The following MED24 variants were observed in gnomAD, a reference collection of about 807,000 sequenced individuals.
MED24 encodes mediator complex subunit 24, also known as mediator of RNA polymerase II transcription subunit 24.
In MED24, 74 loss-of-function variants were observed where a neutral mutation model predicts 118.8. The ratio of observed to expected loss-of-function variants is 0.62; its 90% CI spans 0.52 to 0.76. The LOEUF (loss-of-function observed/expected upper bound fraction) is 0.76, where lower values mean the gene tolerates loss of function less well. Ranked by LOEUF, MED24 falls within the 30% of genes least tolerant of loss-of-function variation. The pLI, the probability that MED24 is intolerant of heterozygous loss-of-function variation, is 0.00. For missense variants in MED24, 1,041 were observed against 1,278.9 expected, an observed-to-expected ratio of 0.81 and a Z score of 2.84; for synonymous variants, 521 against 523.9, an observed-to-expected ratio of 0.99 and a Z score of 0.08.
rs1365881410 is a variant in MED24, at chr17:40,026,185, A to G, written c.1956T>C (p.Ser652=). Residue 652 remains serine (S), a synonymous_variant, in exon 19 of 26, where the codon AGT becomes AGC. Transcript: ENST00000394128. The part of the protein sequence containing the change: ...MIRQLAGPLF[S]ENTLQFYNER... Reference sequence around the variant, plus strand: ...CATTGTAGAACTGCAGGGTGTTCTCACTAAACAGTGGCCCTGCCAGCTGGC... The same window carrying G: ...CATTGTAGAACTGCAGGGTGTTCTCGCTAAACAGTGGCCCTGCCAGCTGGC... The G allele has an allele frequency of 1.9e-6, 3 of 1,614,222 alleles. No homozygotes were observed. Among genetic ancestry groups the G allele is most frequent in the Middle Eastern group, 1.6e-4 (1 of 6,062 alleles).
In MED24 at chr17:40,027,609, G is replaced by A. The variant is rs987342614; in HGVS notation, c.1448-144C>T. The A allele has an allele frequency of 5.1e-6, 4 of 777,816 alleles. No individual in the cohort carries two copies. In the Admixed American group the frequency reaches 8.2e-5, roughly 16 times the overall value. 48.2% of individuals were successfully genotyped at this position (777,816 alleles called of 1,614,324 possible). On this transcript the variant is annotated intron_variant, in intron 15 of 25. Coordinates refer to ENST00000394128, the MANE Select transcript of MED24 (RefSeq NM_014815.4). ...CTCTGAGGCTCAGAATCCTTTTCTT[G>A]AGTCTCAACTGGAACATCATCCCTT...
At chr17:40,024,521 G>A (rs1272422015) in intron 19 of MED24, among the ~76,000 whole-genome samples, 4 of 152,110 alleles carry the variant, frequency 2.6e-5, no homozygotes, top group South Asian at 2.1e-4. Context: ...GTGACAGAGC[G>A]AAACGCCGTC....
rs1226437930 is a variant in MED24 at position 40,026,999 on chromosome 17, C to G, written c.1566G>C (p.Val522=). ...TCTGCATCCAGGTCTCGAAGAAGGG[C>G]ACCTCAGCTCCTGTGCGCGACTCGG... ...ILSESRTGAE[V]PFFETWMQTC... Residue 522 remains valine, a synonymous_variant, in exon 17 of 26, where the codon GTG becomes GTC. Coordinates refer to ENST00000394128, the MANE Select transcript of MED24 (RefSeq NM_014815.4). 1 of 1,614,148 alleles carries G rather than the reference C, an allele frequency of 6.2e-7. No homozygotes were observed. The highest frequency in any genetic ancestry group is 1.1e-5 in the South Asian group (1 of 91,078).
intron 3 of MED24, among the ~76,000 whole-genome samples, chr17:40,044,069 A>C (rs1329056420): frequency 6.8e-6 from 1 of 147,416 alleles, no homozygotes; most frequent in Non-Finnish European, 1.5e-5. Flanking sequence ...CTAAGGTTGC[A>C]ATAAGCCGAG....
In MED24 at chr17:40,029,736, G is replaced by A. The variant is rs372546186; in HGVS notation, c.1266+12C>T. 34 of 1,609,724 alleles carry A rather than the reference G, an allele frequency of 2.1e-5. 1 individual carries two copies. The African/African-American group carries it at 2.9e-4, about 14-fold the overall frequency. On this transcript the variant is annotated intron_variant, in intron 13 of 25. Coordinates refer to ENST00000394128, the MANE Select transcript of MED24 (RefSeq NM_014815.4). ...AGAGAAGACTGTGGTGGCCAGGGAAGGGCACACTCACCTTGAGGATGTTTG... is the reference window on the plus strand; with the variant it reads ...AGAGAAGACTGTGGTGGCCAGGGAAAGGCACACTCACCTTGAGGATGTTTG...
chr17:40,027,705 A>T, intron 15 of MED24: 1 of 676,236 alleles, frequency 1.5e-6, no homozygotes, highest in Non-Finnish European at 2.5e-6. Flanking sequence ...TGAGGGGGGG[A>T]AGGAGACACA....
intron 3 of MED24, among the ~76,000 whole-genome samples, chr17:40,039,727 T>G (rs918918242): frequency 2.0e-5 from 3 of 150,744 alleles, no homozygotes. Flanking sequence ...CAAGCAATCC[T>G]CCCACCTCAG....
At chr17:40,022,937 G>A in intron 20 of MED24, 111 bp from the exon 21 acceptor site, 1 of 1,388,772 alleles carries the variant, frequency 7.2e-7, no homozygotes, top group African/African-American at 1.4e-5. Flanking sequence ...GGGGGCCCCA[G>A]ATGTTGCTCC....
chr17:40,030,301 C>CT (rs35210145), intron 12 of MED24, among the ~76,000 whole-genome samples: 77 of 145,958 alleles, frequency 5.3e-4, no homozygotes, highest in African/African-American at 7.3e-4. Flanking sequence ...TATCATTAGT[C>CT]TTTTTTTTTT....
intron 24 of MED24, 125 bp downstream of exon 24, chr17:40,020,148 G>A (rs1598327491): frequency 9.3e-7 from 1 of 1,080,810 alleles, no homozygotes; most frequent in East Asian, 2.6e-5. Flanking sequence ...AACAATGAGG[G>A]GCATGGAGAG....
intron 3 of MED24, among the ~76,000 whole-genome samples, chr17:40,051,487 G>A (rs1220341694): frequency 2.6e-5 from 4 of 151,840 alleles, no homozygotes; most frequent in African/African-American, 7.3e-5. Context: ...AGTGGCACAC[G>A]CCTGTAGTCC....
At chr17:40,026,422 G>A in intron 18 of MED24, 91 bp from the exon 19 acceptor site, 2 of 1,491,660 alleles carry the variant, frequency 1.3e-6, no homozygotes, top group Non-Finnish European at 1.8e-6. Flanking sequence ...GCTAAGTGCA[G>A]CGGGTGGAGT....
chr17:40,022,970 C>A, intron 20 of MED24, 144 bp from the exon 21 acceptor site: 1 of 1,346,208 alleles, frequency 7.4e-7, no homozygotes, highest in Non-Finnish European at 1.0e-6. Flanking sequence ...GAATCCCAGT[C>A]TCTGGCCAGA....
chr17:40,053,444 C>CT, intron 2 of MED24, 25 bp downstream of exon 2: 1 of 1,613,986 alleles, frequency 6.2e-7, no homozygotes, highest in South Asian at 1.1e-5. Context: ...TCCCTCCCAT[C>CT]TTTCTTTCCC....
intron 23 of MED24, among the ~76,000 whole-genome samples, chr17:40,020,798 C>T (rs760401805): frequency 4.0e-5 from 6 of 149,000 alleles, no homozygotes; most frequent in Non-Finnish European, 7.4e-5. Context: ...ACAGGCTGGG[C>T]GTGGTGGCTC....
intron 3 of MED24, among the ~76,000 whole-genome samples, chr17:40,036,447 T>C (rs1983941366): frequency 6.6e-6 from 1 of 152,104 alleles, no homozygotes; most frequent in Admixed American, 6.5e-5. Context: ...TCCCAAAACT[T>C]TGGGAGGCCG....
At chr17:40,029,603 C>T (rs1983132113) in intron 13 of MED24, 145 bp downstream of exon 13, 10 of 728,246 alleles carry the variant, frequency 1.4e-5, no homozygotes, top group South Asian at 5.6e-5. Context: ...CTGCCCTTGC[C>T]TCCCCTTTCA....
chr17:40,029,615 T>C, intron 13 of MED24, 133 bp downstream of exon 13: 1 of 823,826 alleles, frequency 1.2e-6, no homozygotes, highest in African/African-American at 1.7e-5. Flanking sequence ...CCCCTTTCAC[T>C]ACCTCCAAAG....
chr17:40,023,880 G>A (rs1415331735), intron 19 of MED24, among the ~76,000 whole-genome samples: 1 of 152,202 alleles, frequency 6.6e-6, no homozygotes, highest in Non-Finnish European at 1.5e-5. Context: ...GCAGATAGAA[G>A]TGTATATCCA....
Sources: gnomAD v4.1 joint callset for allele counts (sites outside exome capture counted in the v4.1 genomes callset) on GRCh38, gnomAD v4.1.1 for gene constraint, MANE v1.5 for transcripts, NCBI Gene and HGNC (gene_info 2026-07-23, HGNC 2026-07-21) for gene names.